Variants in CADM2 observed in about 807,000 individuals in gnomAD.
CADM2 encodes immunoglobulin superfamily member 4D.
Under a neutral mutation model 49.8 loss-of-function variants are expected in CADM2, and 12 were observed. The ratio of observed to expected loss-of-function variants is 0.24; its 90% CI spans 0.15 to 0.39. The LOEUF is 0.39. Among genes scored for constraint, CADM2 ranks in the 10% least tolerant of loss-of-function variants. CADM2 has a pLI of 1.00. For missense variants in CADM2, 378 were observed against 492.3 expected, an observed-to-expected ratio of 0.77 and a Z score of 2.20; for synonymous variants, 214 against 175.4, an observed-to-expected ratio of 1.22 and a Z score of -1.74.
At chr3:85,433,082 G>A (rs1278155213) in intron 1 of CADM2, among the ~76,000 whole-genome samples, 2 of 151,808 alleles carry the variant, frequency 1.3e-5, no homozygotes, top group Non-Finnish European at 2.9e-5. Flanking sequence ...CATGTATTTA[G>A]GATAGGCAAA....
intron 1 of CADM2, among the ~76,000 whole-genome samples, chr3:85,157,937 C>T (rs2040191223): frequency 6.6e-6 from 1 of 152,050 alleles, no homozygotes; most frequent in Non-Finnish European, 1.5e-5. Context: ...TTGCAACCTA[C>T]TCATCTGACA....
intron 1 of CADM2, among the ~76,000 whole-genome samples, chr3:85,047,239 C>A (rs1255169841): frequency 6.6e-6 from 1 of 152,156 alleles, no homozygotes; most frequent in African/African-American, 2.4e-5. Flanking sequence ...TGTTGTAGAG[C>A]AAGAACACCC....
chr3:85,078,484 T>C (rs929740221), intron 1 of CADM2, among the ~76,000 whole-genome samples: 2 of 151,932 alleles, frequency 1.3e-5, no homozygotes, highest in South Asian at 4.1e-4. Context: ...TGGCTATATA[T>C]AAAGCCAGGA....
intron 1 of CADM2, among the ~76,000 whole-genome samples, chr3:85,536,041 AAT>A (rs2061415820): frequency 1.3e-5 from 2 of 152,256 alleles, no homozygotes; most frequent in South Asian, 4.1e-4. Context: ...CACATGAAAA[AAT>A]ATATAGTATT....
At chr3:85,400,052 T>A (rs2035019168) in intron 1 of CADM2, among the ~76,000 whole-genome samples, 1 of 152,188 alleles carries the variant, frequency 6.6e-6, no homozygotes, top group Admixed American at 6.5e-5. Context: ...TGCTTCCATT[T>A]TTTGCCCATT....
At chr3:85,515,052 T>A (rs2060859479) in intron 1 of CADM2, among the ~76,000 whole-genome samples, 1 of 152,132 alleles carries the variant, frequency 6.6e-6, no homozygotes, top group Non-Finnish European at 1.5e-5. Flanking sequence ...GTACAAAAAG[T>A]CTTTAGATAT....
chr3:85,843,267 C>A (rs760758510), intron 3 of CADM2, among the ~76,000 whole-genome samples: 1 of 152,018 alleles, frequency 6.6e-6, no homozygotes, highest in Non-Finnish European at 1.5e-5. Flanking sequence ...GCTTTCTTTG[C>A]TGACTTTAAG....
intron 1 of CADM2, among the ~76,000 whole-genome samples, chr3:85,539,967 GATA>G (rs2061504799): frequency 6.6e-6 from 1 of 152,224 alleles, no homozygotes; most frequent in African/African-American, 2.4e-5. Context: ...GACTGGGGAT[GATA>G]ATGTCTGATT....
intron 1 of CADM2, among the ~76,000 whole-genome samples, chr3:85,336,955 AAT>A (rs376069816): frequency 3.3e-5 from 3 of 89,860 alleles, no homozygotes; most frequent in Admixed American, 1.5e-4. Context: ...ATATATATTT[AAT>A]ATATATATTA....
intron 1 of CADM2, among the ~76,000 whole-genome samples, chr3:85,542,762 G>A (rs967524130): frequency 1.3e-5 from 2 of 152,166 alleles, no homozygotes; most frequent in African/African-American, 4.8e-5. Context: ...GGTCTTGAAA[G>A]CATTTGAGCC....
intron 1 of CADM2, among the ~76,000 whole-genome samples, chr3:85,160,428 T>C (rs1372787757): frequency 2.0e-5 from 3 of 152,178 alleles, no homozygotes; most frequent in Admixed American, 6.5e-5. Flanking sequence ...CCCACTGGTT[T>C]ATAAAGTGCA....
At chr3:85,086,567 G>A (rs1291392108) in intron 1 of CADM2, among the ~76,000 whole-genome samples, 17 of 149,068 alleles carry the variant, frequency 1.1e-4, no homozygotes, top group Non-Finnish European at 2.4e-4. Flanking sequence ...GCTAGAGTGC[G>A]GTGGTGTGAT....
intron 1 of CADM2, among the ~76,000 whole-genome samples, chr3:85,268,626 A>G (rs537728181): frequency 1.3e-5 from 2 of 151,400 alleles, no homozygotes; most frequent in South Asian, 2.1e-4. Context: ...TAATGCAAAC[A>G]TACATATATA....
At chr3:85,245,847 A>G (rs1404041233) in intron 1 of CADM2, among the ~76,000 whole-genome samples, 5 of 152,224 alleles carry the variant, frequency 3.3e-5, no homozygotes. Flanking sequence ...GGAGTCACAC[A>G]AGACAGGTGT....
At chr3:85,971,814 C>A (rs1175245614) in intron 8 of CADM2, among the ~76,000 whole-genome samples, 1 of 151,362 alleles carries the variant, frequency 6.6e-6, no homozygotes, top group Non-Finnish European at 1.5e-5. Flanking sequence ...TCAAATAAAG[C>A]ATTGATTTTA....
intron 1 of CADM2, among the ~76,000 whole-genome samples, chr3:85,058,615 T>G (rs2036184049): frequency 6.6e-6 from 1 of 151,894 alleles, no homozygotes; most frequent in South Asian, 2.1e-4. Context: ...TGGCTAATTT[T>G]GTATGTTTTT....
At position 84,963,078 on chromosome 3, in the gene CADM2, T is replaced by C. The variant is rs543410777; in HGVS notation, c.61+3410T>C. On this transcript the variant is annotated intron_variant, in intron 1 of 9. Transcript: ENST00000383699. The stretch of plus-strand genomic sequence containing the variant: ...GAATAATAGATAGGGAATAAACATA[T>C]GCTTTTGGCTAAACATTTGTTTGGC... Among the ~76,000 whole-genome samples, 9 of 152,318 alleles carry C rather than the reference T, an allele frequency of 5.9e-5. No individual in the cohort carries two copies. In the East Asian group the frequency reaches 9.7e-4, roughly 16 times the overall value.
intron 2 of CADM2, among the ~76,000 whole-genome samples, chr3:85,737,356 A>G (rs2068181730): frequency 6.6e-6 from 1 of 152,350 alleles, no homozygotes; most frequent in East Asian, 1.9e-4. Context: ...CAAGAATGAC[A>G]TGCCAAACAA....
rs1739867996 is a variant in CADM2 at position 86,071,554 on chromosome 3, C to T, written c.*4771C>T. On this transcript the variant is annotated 3_prime_UTR_variant, in exon 10 of 10. Transcript: ENST00000383699. ...TCTGCCATGCATACTTACAATAATC[C>T]TTCTACCTCTCACTTTTAACATGGG... 1 of 151,758 alleles carries T rather than the reference C, an allele frequency of 6.6e-6. No individual in the cohort carries two copies. Among genetic ancestry groups the T allele is most frequent in the Non-Finnish European group, 1.5e-5 (1 of 67,810 alleles). The allele number at this position is 151,758 out of a possible 1,614,324, so 9.4% of individuals were successfully genotyped here.
Sources: gnomAD v4.1 joint callset for allele counts (sites outside exome capture counted in the v4.1 genomes callset) on GRCh38, gnomAD v4.1.1 for gene constraint, MANE v1.5 for transcripts, NCBI Gene and HGNC (gene_info 2026-07-23, HGNC 2026-07-21) for gene names.